IL1RAPL1: variants seen among roughly 807,000 people sequenced by gnomAD.
IL1RAPL1 encodes interleukin 1 receptor accessory protein like 1.
In IL1RAPL1, 3 loss-of-function variants were observed where a neutral mutation model predicts 48.4. The ratio of observed to expected loss-of-function variants is 0.06; its 90% CI spans 0.03 to 0.16. The LOEUF (loss-of-function observed/expected upper bound fraction) is 0.16, where lower values mean the gene tolerates loss of function less well. Among genes scored for constraint, IL1RAPL1 ranks in the 10% least tolerant of loss-of-function variants. IL1RAPL1 has a pLI of 1.00. For synonymous variants in IL1RAPL1, 185 were observed against 187.7 expected, an observed-to-expected ratio of 0.99 and a Z score of 0.12; for missense variants, 349 against 530.6, an observed-to-expected ratio of 0.66 and a Z score of 3.36.
intron 3 of IL1RAPL1, among the ~76,000 whole-genome samples, chrX:29,297,389 T>G (rs1466528610): frequency 8.9e-6 from 1 of 112,657 alleles, no homozygotes; most frequent in African/African-American, 3.2e-5. Flanking sequence ...ATTCTCAGCA[T>G]GTGGCTTCCA....
chrX:29,767,058 G>A lies in IL1RAPL1; in HGVS notation c.778+98554G>A, dbSNP rs996441847. Among the ~76,000 whole-genome samples, 44 of 110,692 alleles carry A rather than the reference G, an allele frequency of 4.0e-4. 1 individual carries two copies. The highest frequency in any genetic ancestry group is 1.3e-4 in the Non-Finnish European group (7 of 52,979). On this transcript the variant is annotated intron_variant, in intron 6 of 10. Transcript: ENST00000378993. ...AATCAAGAGCCATACAATACATTCC[G>A]ATGACATGTCCATTTGATCTTTAAT...
At chrX:29,943,474 G>A (rs764362881) in intron 9 of IL1RAPL1, among the ~76,000 whole-genome samples, 1 of 111,815 alleles carries the variant, frequency 8.9e-6, no homozygotes, top group African/African-American at 3.2e-5. Flanking sequence ...TGTCCAAGAT[G>A]GGATTTGAAA....
chrX:29,291,702 T>C (rs1023702901), intron 3 of IL1RAPL1, among the ~76,000 whole-genome samples: 2 of 112,296 alleles, frequency 1.8e-5, no homozygotes, highest in African/African-American at 6.5e-5. Context: ...ATGCTCTTCC[T>C]TTCTATATAA....
intron 6 of IL1RAPL1, among the ~76,000 whole-genome samples, chrX:29,784,156 T>C (rs977177109): frequency 8.0e-5 from 9 of 112,375 alleles, no homozygotes; most frequent in African/African-American, 2.9e-4. Flanking sequence ...AAAATCTGTG[T>C]CACCATTTTC....
intron 6 of IL1RAPL1, among the ~76,000 whole-genome samples, chrX:29,677,852 A>G (rs1185302518): frequency 1.8e-5 from 2 of 112,183 alleles, no homozygotes; most frequent in Non-Finnish European, 3.8e-5. Flanking sequence ...AGAATATCTC[A>G]TGTCCAATTA....
rs61417683 is a variant in IL1RAPL1 at position 29,717,203 on chromosome X, T to TACACACACACACACAC, written c.778+48718_778+48733dup. ...CATATTTAGTGCCAGAGAGCCAGAT[T>TACACACACACACACAC]ACACACACACACACACACACACACA... On this transcript the variant is annotated intron_variant, in intron 6 of 10. Coordinates refer to ENST00000378993, the MANE Select transcript of IL1RAPL1 (RefSeq NM_014271.4). Among the ~76,000 whole-genome samples the TACACACACACACACAC allele has an allele frequency of 3.3e-3, 314 of 95,538 alleles. 2 individuals carry two copies. The highest frequency in any genetic ancestry group is 1.0e-2 in the African/African-American group (256 of 25,617). 83.0% of individuals were successfully genotyped at this position (95,538 alleles called of 115,157 possible). A position where few individuals can be genotyped will look rare whatever the true frequency, so the allele number is the denominator to read the frequency against.
chrX:29,309,332 AT>A (rs1273881932), intron 3 of IL1RAPL1, among the ~76,000 whole-genome samples: 1 of 111,280 alleles, frequency 9.0e-6, no homozygotes, highest in African/African-American at 3.3e-5. Flanking sequence ...GATTGGGCTT[AT>A]CAAAATTAGG....
At chrX:28,615,477 T>C (rs1237713520) in intron 1 of IL1RAPL1, among the ~76,000 whole-genome samples, 1 of 110,224 alleles carries the variant, frequency 9.1e-6, no homozygotes, top group East Asian at 2.8e-4. Flanking sequence ...AAAAGTCAGT[T>C]TAAAAATAAG....
In IL1RAPL1 at chrX:29,918,228, AC is replaced by A. The variant is rs1200080826; in HGVS notation, c.911+634del. ...TGTTAGTGTACTTTTTGTATATGAG[AC>A]CTTTTTTTTAAAAAAAAAAAAAAAA... On this transcript the variant is annotated intron_variant, in intron 7 of 10. Coordinates refer to ENST00000378993, the MANE Select transcript of IL1RAPL1 (RefSeq NM_014271.4). Among the ~76,000 whole-genome samples the A allele has an allele frequency of 1.5e-4, 11 of 72,324 alleles. No homozygotes were observed. The East Asian group carries it at 3.4e-3, about 22-fold the overall frequency. The allele number at this position is 72,324 out of a possible 115,157, so 62.8% of individuals were successfully genotyped here.
chrX:28,659,347 A>G lies in IL1RAPL1; in HGVS notation c.-25+71300A>G, dbSNP rs1296771284. On this transcript the variant is annotated intron_variant, in intron 1 of 10. Transcript: ENST00000378993. Reference sequence around the variant, plus strand: ...GAAGTGCCACAGTACCAGGCCTGTAACGATGAGGTTTCTCCACCCCTCCAG... The same window carrying G: ...GAAGTGCCACAGTACCAGGCCTGTAGCGATGAGGTTTCTCCACCCCTCCAG... The G allele has an allele frequency of 7.2e-5, 40 of 552,098 alleles. 1 individual carries two copies. In the East Asian group the frequency reaches 1.3e-3, roughly 17 times the overall value. The allele number at this position is 552,098 out of a possible 1,213,427, so 45.5% of individuals were successfully genotyped here.
chrX:29,849,620 A>T (rs1332228335), intron 6 of IL1RAPL1, among the ~76,000 whole-genome samples: 3 of 111,422 alleles, frequency 2.7e-5, no homozygotes, highest in African/African-American at 9.8e-5. Context: ...GAATACTGAG[A>T]ACAACTGAGC....
intron 6 of IL1RAPL1, among the ~76,000 whole-genome samples, chrX:29,815,673 G>C (rs5927225): frequency 0.34 from 37,745 of 109,479 alleles, 4,856 homozygotes; most frequent in Middle Eastern, 0.49. Flanking sequence ...TAGGATATAT[G>C]CTTCCAGCTT....
chrX:29,348,816 A>G (rs957518920), intron 3 of IL1RAPL1, among the ~76,000 whole-genome samples: 3 of 112,001 alleles, frequency 2.7e-5, no homozygotes, highest in African/African-American at 9.8e-5. Context: ...GCTTTAGTCT[A>G]AAATAATCTC....
At chrX:28,663,087 A>C (rs973611536) in intron 1 of IL1RAPL1, among the ~76,000 whole-genome samples, 17 of 112,244 alleles carry the variant, frequency 1.5e-4, no homozygotes, top group African/African-American at 5.2e-4. Flanking sequence ...AAGTATTTAG[A>C]GTGACCAAAG....
intron 2 of IL1RAPL1, among the ~76,000 whole-genome samples, chrX:29,150,313 C>T (rs975041572): frequency 9.0e-6 from 1 of 111,702 alleles, no homozygotes; most frequent in Non-Finnish European, 1.9e-5. Flanking sequence ...TCCGTTGTTC[C>T]TCTTGAGCTT....
At position 29,111,412 on chromosome X, in the gene IL1RAPL1, G is replaced by C. The variant is rs545803247; in HGVS notation, c.83-171526G>C. On this transcript the variant is annotated intron_variant, in intron 2 of 10. Coordinates refer to ENST00000378993, the MANE Select transcript of IL1RAPL1 (RefSeq NM_014271.4). ...ATTTTCTCCGAGGTGCCTCCACACT[G>C]ATGAGTACACTGGTAGTTCCATTGT... Among the ~76,000 whole-genome samples, 38 of 112,363 alleles carry C rather than the reference G, an allele frequency of 3.4e-4. 1 individual carries two copies. In the South Asian group the frequency reaches 0.014, roughly 41 times the overall value.
chrX:28,813,938 C>T (rs774013783), intron 2 of IL1RAPL1, among the ~76,000 whole-genome samples: 1 of 110,521 alleles, frequency 9.0e-6, no homozygotes, highest in Non-Finnish European at 1.9e-5. Flanking sequence ...GAATCTCTGC[C>T]CTGCAAATGA....
rs759564388 is a variant in IL1RAPL1, at chrX:29,725,722, A to T, written c.778+57218A>T. 2.7e-5 allele frequency among the ~76,000 whole-genome samples: 3 copies of T among 112,076 alleles called. No individual in the cohort carries two copies. The East Asian group carries it at 8.4e-4, about 31-fold the overall frequency. The stretch of plus-strand genomic sequence containing the variant: ...ATTCCTAAAGATGTGTGTGTGTATG[A>T]GTGTGTATATCCATCTATATCCATA... On this transcript the variant is annotated intron_variant, in intron 6 of 10. Coordinates refer to ENST00000378993, the MANE Select transcript of IL1RAPL1 (RefSeq NM_014271.4).
chrX:28,842,431 G>A (rs1921397426), intron 2 of IL1RAPL1, among the ~76,000 whole-genome samples: 1 of 110,728 alleles, frequency 9.0e-6, no homozygotes, highest in African/African-American at 3.3e-5. Context: ...CCACATTTTC[G>A]CTAAACATCT....
Sources: gnomAD v4.1 joint callset for allele counts (sites outside exome capture counted in the v4.1 genomes callset) on GRCh38, gnomAD v4.1.1 for gene constraint, MANE v1.5 for transcripts, NCBI Gene and HGNC (gene_info 2026-07-23, HGNC 2026-07-21) for gene names.